Variants in BAZ2B observed in about 807,000 individuals in gnomAD.
BAZ2B encodes the protein bromodomain adjacent to zinc finger domain 2B.
Under a neutral mutation model 246.0 loss-of-function variants are expected in BAZ2B, and 91 were observed. That is an observed-to-expected ratio of 0.37 (90% CI 0.31 to 0.44). The LOEUF is 0.44. BAZ2B is among the 20% of genes least tolerant of loss of function. BAZ2B has a pLI of 1.00. For missense variants in BAZ2B, 2,332 were observed against 2,533.7 expected (o/e 0.92, Z 1.71); for synonymous variants, 855 against 860.0 (o/e 0.99, Z 0.10).
chr2:159,568,980 A>G (rs1269398219), intron 1 of BAZ2B, among the ~76,000 whole-genome samples: 1 of 152,106 alleles, frequency 6.6e-6, no homozygotes, highest in Admixed American at 6.6e-5. Flanking sequence ...GGTTTTCGTG[A>G]CACTAGATTA....
chr2:159,653,028 C>A, the BAZ2B span, among the ~76,000 whole-genome samples: 2 of 151,928 alleles, frequency 1.3e-5, no homozygotes, highest in African/African-American at 4.8e-5. Context: ...ACCTCTTCCT[C>A]CTGGGTTCAA....
Position 159,455,762 on chromosome 2 carries a change from G to GTTTTTTT in BAZ2B, c.146-1962_146-1961insAAAAAAA, listed in dbSNP as rs759816186. On this transcript the variant is annotated intron_variant, in intron 3 of 36. Transcript: ENST00000392783. ...AGTGATAGGTTACCAGAAATATTGTGGTTTTTTTTTTTTTTTTTTTTTTTT... is the reference window on the plus strand; with the variant it reads ...AGTGATAGGTTACCAGAAATATTGTGTTTTTTTGTTTTTTTTTTTTTTTTTTTTTTTT... 5.4e-4 allele frequency among the ~76,000 whole-genome samples: 52 copies of GTTTTTTT among 97,150 alleles called. 4 individuals are homozygous for GTTTTTTT. Among genetic ancestry groups the GTTTTTTT allele is most frequent in the East Asian group, 1.9e-3 (6 of 3,214 alleles). 63.7% of individuals were successfully genotyped at this position (97,150 alleles called of 152,430 possible).
chr2:159,644,357 AT>A, the BAZ2B span, among the ~76,000 whole-genome samples: 2 of 152,176 alleles, frequency 1.3e-5, no homozygotes, highest in African/African-American at 4.8e-5. Context: ...AAGGCTGGAG[AT>A]AAGTGTGTTT....
intron 10 of BAZ2B, among the ~76,000 whole-genome samples, chr2:159,430,482 CA>C (rs911959496): frequency 6.6e-6 from 1 of 152,136 alleles, no homozygotes; most frequent in African/African-American, 2.4e-5. Context: ...TTTGAGGAGC[CA>C]AAAGTTAGAT....
intron 21 of BAZ2B, 38 bp from the exon 22 acceptor site, chr2:159,386,645 C>T: frequency 6.6e-7 from 1 of 1,521,234 alleles, no homozygotes; most frequent in South Asian, 1.3e-5. Flanking sequence ...ATAAAAACAG[C>T]TTAATTTTTT....
chr2:159,412,212 C>T lies in BAZ2B; in HGVS notation c.2677+123G>A. Reference sequence around the variant, plus strand: ...GGACTCCTTATTTTTTCATTTTATTCTAACACAACTATTTACTTTTTAAAA... The same window carrying T: ...GGACTCCTTATTTTTTCATTTTATTTTAACACAACTATTTACTTTTTAAAA... On this transcript the variant is annotated intron_variant, in intron 14 of 36. Coordinates refer to ENST00000392783, the MANE Select transcript of BAZ2B (RefSeq NM_013450.4). 16 of 1,046,846 alleles carry T rather than the reference C, an allele frequency of 1.5e-5. No individual in the cohort carries two copies. The Admixed American group carries it at 2.8e-4, about 18-fold the overall frequency. 64.8% of individuals were successfully genotyped at this position (1,046,846 alleles called of 1,614,324 possible). A position where few individuals can be genotyped will look rare whatever the true frequency, so the allele number is the denominator to read the frequency against.
At chr2:159,620,272 C>G (rs1696376986), upstream of BAZ2B, among the ~76,000 whole-genome samples, 2 of 152,316 alleles carry the variant, frequency 1.3e-5, no homozygotes, top group Admixed American at 6.5e-5. Flanking sequence ...GTATAACAAG[C>G]TGGCCACTGT....
At position 159,430,955 on chromosome 2, in the gene BAZ2B, G is replaced by A; in HGVS notation, c.2102C>T (p.Pro701Leu). 1 of 1,613,998 alleles carries A rather than the reference G, an allele frequency of 6.2e-7. No individual in the cohort carries two copies. Among genetic ancestry groups the A allele is most frequent in the South Asian group, 1.1e-5 (1 of 91,076 alleles). ...ACATAAGGCAGCAGGAGCAGAGCCT[G>A]GGGCTTTTGCTATGTGGAGGTTACG... ...TPRNLHIAKA[P>L]GSAPAALCSE... The change falls in exon 10 of 37, where the codon CCA becomes CTA. Residue 701 changes from proline (P) to leucine (L), a missense_variant. By Grantham distance (98) the Pro-to-Leu change is moderately conservative (BLOSUM62 -3). Around this residue, in one of 9 missense-constraint regions of BAZ2B, gnomAD observed 651 missense variants for 650.9 expected, o/e 1.00. Transcript: ENST00000392783.
chr2:159,374,761 T>C lies in BAZ2B; in HGVS notation c.4006-8A>G. 1 of 1,608,154 alleles carries C rather than the reference T, an allele frequency of 6.2e-7. No homozygotes were observed. The highest frequency in any genetic ancestry group is 1.1e-5 in the South Asian group (1 of 90,952). On this transcript the variant is annotated splice_polypyrimidine_tract_variant and splice_region_variant and intron_variant, in intron 25 of 36. Coordinates refer to ENST00000392783, the MANE Select transcript of BAZ2B (RefSeq NM_013450.4). ...TGCTTGGTCACCTTCATCCTATACATAAGAAAATACAGTGTCATTTATCTG... is the reference window on the plus strand; with the variant it reads ...TGCTTGGTCACCTTCATCCTATACACAAGAAAATACAGTGTCATTTATCTG...
At position 159,423,522 on chromosome 2, in the gene BAZ2B, A is replaced by G. The variant is rs561595670; in HGVS notation, c.2466+4419T>C. On this transcript the variant is annotated intron_variant, in intron 13 of 36. Coordinates refer to ENST00000392783, the MANE Select transcript of BAZ2B (RefSeq NM_013450.4). ...ACCCAGCAATCCCACTACTGGGTATATACCCAAAGGAAAATAAATTGTTCT... is the reference window on the plus strand; with the variant it reads ...ACCCAGCAATCCCACTACTGGGTATGTACCCAAAGGAAAATAAATTGTTCT... Among the ~76,000 whole-genome samples, 10 of 152,310 alleles carry G rather than the reference A, an allele frequency of 6.6e-5. No homozygotes were observed. The East Asian group carries it at 1.7e-3, about 26-fold the overall frequency.
intron 14 of BAZ2B, 52 bp from the exon 15 acceptor site, chr2:159,405,166 C>T: frequency 6.9e-7 from 1 of 1,447,168 alleles, no homozygotes; most frequent in Non-Finnish European, 9.7e-7. Context: ...TAACTACTAA[C>T]CAAAAACAAT....
chr2:159,657,044 A>T, the BAZ2B span, among the ~76,000 whole-genome samples: 1 of 152,060 alleles, frequency 6.6e-6, no homozygotes, highest in Non-Finnish European at 1.5e-5. Flanking sequence ...TTGGTATTGT[A>T]TCTAAAAATT....
At chr2:159,446,252 G>C (rs2074234747) in intron 6 of BAZ2B, among the ~76,000 whole-genome samples, 1 of 152,186 alleles carries the variant, frequency 6.6e-6, no homozygotes, top group South Asian at 2.1e-4. Context: ...TGAGAGCTGA[G>C]AGGCAATAAA....
intron 25 of BAZ2B, among the ~76,000 whole-genome samples, chr2:159,379,616 TAAGA>T (rs751261344): frequency 6.6e-6 from 1 of 152,314 alleles, no homozygotes; most frequent in Admixed American, 6.5e-5. Flanking sequence ...TATTTTTACT[TAAGA>T]AAGAGAATTA....
At chr2:159,693,035 T>A in the BAZ2B span, among the ~76,000 whole-genome samples, 1 of 152,202 alleles carries the variant, frequency 6.6e-6, no homozygotes, top group Non-Finnish European at 1.5e-5. Context: ...CTTCAAGTGA[T>A]CCTCCTGTGT....
At chr2:159,632,150 C>T in the BAZ2B span, among the ~76,000 whole-genome samples, 1 of 152,156 alleles carries the variant, frequency 6.6e-6, no homozygotes, top group Non-Finnish European at 1.5e-5. Flanking sequence ...AGTAATTTTA[C>T]ATCAGGTACA....
At chr2:159,577,998 T>C (rs921416236) in intron 1 of BAZ2B, among the ~76,000 whole-genome samples, 3 of 152,192 alleles carry the variant, frequency 2.0e-5, no homozygotes, top group Non-Finnish European at 4.4e-5. Context: ...ATTAATTACC[T>C]ACCAAGATAT....
Position 159,614,360 on chromosome 2 carries a change from A to G in BAZ2B, c.-46+1882T>C, listed in dbSNP as rs541761590. ...ATCAATTCTGCCTCTTAAATACTCA[A>G]TAATTGTTTGACTTAATATCTGCTA... On this transcript the variant is annotated intron_variant, in intron 1 of 36. Coordinates refer to ENST00000392783, the MANE Select transcript of BAZ2B (RefSeq NM_013450.4). Among the ~76,000 whole-genome samples, 42 of 152,306 alleles carry G rather than the reference A, an allele frequency of 2.8e-4. No homozygotes were observed. In the South Asian group the frequency reaches 8.3e-3, roughly 30 times the overall value.
At chr2:159,346,086 G>A (rs1006297202) in intron 31 of BAZ2B, among the ~76,000 whole-genome samples, 4 of 152,156 alleles carry the variant, frequency 2.6e-5, no homozygotes, top group African/African-American at 9.7e-5. Context: ...CCAGAAAGAT[G>A]ACAATACACG....
Sources: gnomAD v4.1 joint callset for allele counts (sites outside exome capture counted in the v4.1 genomes callset) on GRCh38, gnomAD v4.1.1 for gene constraint, gnomAD v4.1.1 regional missense constraint, MANE v1.5 for transcripts, NCBI Gene and HGNC (gene_info 2026-07-23, HGNC 2026-07-21) for gene names.